The following ITGAE variants were observed in gnomAD, a reference collection of about 807,000 sequenced individuals.
The protein encoded by ITGAE is integrin alpha-E.
A neutral mutation model predicts 136.5 loss-of-function variants in ITGAE; 99 were observed. That is an observed-to-expected ratio of 0.73 (90% CI 0.62 to 0.86). The LOEUF (loss-of-function observed/expected upper bound fraction) is 0.86, where lower values mean the gene tolerates loss of function less well. ITGAE is among the 40% of genes least tolerant of loss of function. ITGAE has a pLI of 0.00. For synonymous variants in ITGAE, 613 were observed against 591.8 expected (o/e 1.04, Z -0.52); for missense variants, 1,447 against 1,515.3 (o/e 0.95, Z 0.75).
At chr17:3,761,349 G>C (rs2052163077) in intron 5 of ITGAE, 54 bp downstream of exon 5, 2 of 1,553,386 alleles carry the variant, frequency 1.3e-6, no homozygotes, top group African/African-American at 2.7e-5. Flanking sequence ...TTTTCTTGGA[G>C]ACCAAGGAGA....
intron 26 of ITGAE, chr17:3,725,815 GCATTCTACA>G (rs2051196857): frequency 6.2e-7 from 1 of 1,611,902 alleles, no homozygotes; most frequent in South Asian, 1.1e-5. Flanking sequence ...ACTGCAAAGA[GCATTCTACA>G]CCAGCTCACA....
chr17:3,720,495 G>C (rs1018703565), intron 28 of ITGAE, 93 bp from the exon 29 acceptor site: 50 of 661,892 alleles, frequency 7.6e-5, no homozygotes, highest in African/African-American at 6.8e-4. Context: ...TCCCTTTAAA[G>C]GTATTCCTGG....
intron 2 of ITGAE, among the ~76,000 whole-genome samples, chr17:3,764,385 C>T (rs779904474): frequency 5.9e-5 from 9 of 152,174 alleles, no homozygotes; most frequent in Non-Finnish European, 1.2e-4. Flanking sequence ...TGCCCCTATC[C>T]TGTGGGTCAG....
intron 10 of ITGAE, 74 bp from the exon 11 acceptor site, chr17:3,755,971 G>C (rs1048597137): frequency 7.0e-6 from 10 of 1,437,870 alleles, no homozygotes; most frequent in Non-Finnish European, 1.9e-6. Context: ...GGACAGTCCA[G>C]CTTGGCCTCA....
chr17:3,728,176 T>C lies in ITGAE; in HGVS notation c.2913-8A>G. The C allele has an allele frequency of 6.2e-7, 1 of 1,609,334 alleles. No homozygotes were observed. Among genetic ancestry groups the C allele is most frequent in the Non-Finnish European group, 8.5e-7 (1 of 1,175,760 alleles). ...ACGTACATTATGGATGGTCTGCAAT[T>C]GACAGGACATGCGTCAGCCCTTGAG... On this transcript the variant is annotated splice_polypyrimidine_tract_variant and splice_region_variant and intron_variant, in intron 24 of 30. Coordinates refer to ENST00000263087, the MANE Select transcript of ITGAE (RefSeq NM_002208.5).
At chr17:3,793,074 C>T (rs182300125) in intron 1 of ITGAE, among the ~76,000 whole-genome samples, 9 of 151,662 alleles carry the variant, frequency 5.9e-5, no homozygotes, top group Admixed American at 3.9e-4. Context: ...TTTTTTTAGA[C>T]AGAGTCTCAC....
intron 26 of ITGAE, among the ~76,000 whole-genome samples, chr17:3,727,544 C>T (rs34760477): frequency 0.093 from 14,175 of 151,960 alleles, 756 homozygotes; most frequent in Middle Eastern, 0.17. Context: ...GGACTACAGG[C>T]GCCCGCCACC....
intron 18 of ITGAE, among the ~76,000 whole-genome samples, chr17:3,745,093 T>G (rs1266059851): frequency 6.6e-6 from 1 of 152,176 alleles, no homozygotes; most frequent in Non-Finnish European, 1.5e-5. Context: ...CATACTTTTT[T>G]TACCCCATGT....
intron 2 of ITGAE, among the ~76,000 whole-genome samples, chr17:3,775,512 T>G (rs553082933): frequency 3.3e-4 from 50 of 152,228 alleles, no homozygotes; most frequent in Middle Eastern, 6.8e-3. Context: ...CAGGCTGGAG[T>G]GCAATGGCAC....
rs369981279 is a variant in ITGAE, at chr17:3,724,251, C to T, written c.3085-507G>A. 4.5e-5 allele frequency: 71 copies of T among 1,592,558 alleles called. No individual in the cohort carries two copies. Among genetic ancestry groups the T allele is most frequent in the Non-Finnish European group, 5.1e-5 (60 of 1,176,958 alleles). On this transcript the variant is annotated intron_variant, in intron 26 of 30. Transcript: ENST00000263087. ...CCCAAAGCGCTGGAAGCTGCGAGCT[C>T]GCCCAAGCCTAACCGTGACCCCAAG...
At position 3,728,147 on chromosome 17, in the gene ITGAE, G is replaced by A. The variant is rs1266353427; in HGVS notation, c.2934C>T (p.Asn978=). The change falls in exon 25 of 31, where the codon AAC becomes AAT. Residue 978 remains asparagine (N), a synonymous_variant. Coordinates refer to ENST00000263087, the MANE Select transcript of ITGAE (RefSeq NM_002208.5). ...VLSKPSIMYV[N]TGQGLSHHKE... is the part of the protein sequence containing the mutation. Reference sequence around the variant, plus strand: ...TGTGGTGAGAAAGCCCCTGGCCTGTGTTCACGTACATTATGGATGGTCTGC... The same window carrying A: ...TGTGGTGAGAAAGCCCCTGGCCTGTATTCACGTACATTATGGATGGTCTGC... 1.2e-6 allele frequency: 2 copies of A among 1,613,220 alleles called. No individual in the cohort carries two copies. The highest frequency in any genetic ancestry group is 3.3e-5 in the Admixed American group (2 of 60,018).
At chr17:3,753,704 G>A (rs2051928243) in intron 13 of ITGAE, 79 bp downstream of exon 13, 4 of 1,558,290 alleles carry the variant, frequency 2.6e-6, no homozygotes, top group Non-Finnish European at 3.5e-6. Flanking sequence ...ACTGTGCACC[G>A]TGGGACCCAC....
In ITGAE at chr17:3,716,093, G is replaced by C. The variant is rs2737130; in HGVS notation, c.3444+595C>G. 6.0e-3 allele frequency among the ~76,000 whole-genome samples: 905 copies of C among 151,678 alleles called. 21 individuals carry two copies. Among genetic ancestry groups the C allele is most frequent in the Admixed American group, 0.039 (597 of 15,222 alleles). ...AATCTCTTGAACCCGGGGTCAGGGT[G>C]GGGGGAAGGGAAGGTTGCAGTGAGC... On this transcript the variant is annotated intron_variant, in intron 30 of 30. Transcript: ENST00000263087.
chr17:3,723,746 T>G lies in ITGAE; in HGVS notation c.3085-2A>C. On this transcript the variant is annotated splice_acceptor_variant, in intron 26 of 30. Coordinates refer to ENST00000263087, the MANE Select transcript of ITGAE (RefSeq NM_002208.5). LOFTEE classifies it high-confidence loss of function. Reference sequence around the variant, plus strand: ...ACTCCAGGTGCACACCGTGGAGGCCTGAAACGAGAGCCATGACCGCGACGC... The same window carrying G: ...ACTCCAGGTGCACACCGTGGAGGCCGGAAACGAGAGCCATGACCGCGACGC... The G allele has an allele frequency of 6.2e-7, 1 of 1,606,904 alleles. No individual in the cohort carries two copies. Among genetic ancestry groups the G allele is most frequent in the South Asian group, 1.1e-5 (1 of 90,328 alleles).
chr17:3,740,154 T>C (rs2051550546), intron 19 of ITGAE, among the ~76,000 whole-genome samples: 3 of 152,190 alleles, frequency 2.0e-5, no homozygotes, highest in Admixed American at 2.0e-4. Context: ...TCACGGAATG[T>C]TAGGGGTGCC....
At chr17:3,784,066 C>T (rs1487080272) in intron 1 of ITGAE, among the ~76,000 whole-genome samples, 2 of 152,096 alleles carry the variant, frequency 1.3e-5, no homozygotes, top group African/African-American at 2.4e-5. Context: ...CAAGACCATC[C>T]TGGCTAACAC....
At chr17:3,765,610 T>C (rs1284501502) in intron 2 of ITGAE, among the ~76,000 whole-genome samples, 1 of 151,992 alleles carries the variant, frequency 6.6e-6, no homozygotes, top group Non-Finnish European at 1.5e-5. Context: ...AGTCAGTTCC[T>C]GTGAAGGTCA....
At chr17:3,745,338 A>ATTT (rs1209917260) in intron 18 of ITGAE, among the ~76,000 whole-genome samples, 2 of 151,886 alleles carry the variant, frequency 1.3e-5, no homozygotes, top group African/African-American at 4.8e-5. Flanking sequence ...GTGGTTCTTG[A>ATTT]TTTATTATTA....
At chr17:3,732,570 T>C (rs2051370233) in intron 21 of ITGAE, 104 bp from the exon 22 acceptor site, 1 of 915,110 alleles carries the variant, frequency 1.1e-6, no homozygotes, top group Non-Finnish European at 1.8e-6. Context: ...TTTTTCTGCC[T>C]GTCAGACACC....
Sources: gnomAD v4.1 joint callset for allele counts (sites outside exome capture counted in the v4.1 genomes callset) on GRCh38, gnomAD v4.1.1 for gene constraint, MANE v1.5 for transcripts, NCBI Gene and HGNC (gene_info 2026-07-23, HGNC 2026-07-21) for gene names.